Variants in TCF20 observed in about 807,000 individuals in gnomAD.
TCF20 encodes SPRE-binding protein.
A neutral mutation model predicts 148.6 loss-of-function variants in TCF20; 3 were observed. That is an observed-to-expected ratio of 0.02 (90% CI 0.01 to 0.05). TCF20 has a LOEUF of 0.05. Among genes scored for constraint, TCF20 ranks in the 10% least tolerant of loss-of-function variants. The pLI is 1.00. For synonymous variants in TCF20, 1,049 were observed against 909.5 expected (o/e 1.15, Z -2.76); for missense variants, 2,350 against 2,429.3 (o/e 0.97, Z 0.69).
At chr22:42,249,290 A>T (rs1391916964) in intron 1 of TCF20, among the ~76,000 whole-genome samples, 1 of 152,186 alleles carries the variant, frequency 6.6e-6, no homozygotes, top group African/African-American at 2.4e-5. Flanking sequence ...CCTGCAGATG[A>T]TCTGTCATGG....
At chr22:42,199,060 A>C (rs1446109324) in intron 2 of TCF20, among the ~76,000 whole-genome samples, 2 of 152,208 alleles carry the variant, frequency 1.3e-5, no homozygotes, top group African/African-American at 2.4e-5. Context: ...ATATCTAGTG[A>C]AATAATCAGC....
At chr22:42,238,423 T>C (rs1924075335) in intron 1 of TCF20, among the ~76,000 whole-genome samples, 1 of 152,272 alleles carries the variant, frequency 6.6e-6, no homozygotes, top group Non-Finnish European at 1.5e-5. Context: ...TGTTTCGTTT[T>C]CTTCTCATTC....
At chr22:42,216,053 G>T (rs1921744462) in intron 1 of TCF20, among the ~76,000 whole-genome samples, 1 of 146,378 alleles carries the variant, frequency 6.8e-6, no homozygotes, top group South Asian at 2.2e-4. Flanking sequence ...GCGGGGGAGG[G>T]GGTGTGGGGT....
At chr22:42,258,119 C>G (rs1925840521) in intron 1 of TCF20, among the ~76,000 whole-genome samples, 1 of 152,194 alleles carries the variant, frequency 6.6e-6, no homozygotes, top group Admixed American at 6.5e-5. Flanking sequence ...ACCAGTTTCT[C>G]TAAAATCCCA....
chr22:42,254,896 C>A (rs1925638545), intron 1 of TCF20, among the ~76,000 whole-genome samples: 1 of 135,498 alleles, frequency 7.4e-6, no homozygotes, highest in Non-Finnish European at 1.5e-5. Flanking sequence ...ACCTGGGAGG[C>A]AGAGCTTGAG....
At chr22:42,267,568 G>T (rs1569194776) in intron 1 of TCF20, among the ~76,000 whole-genome samples, 1 of 152,036 alleles carries the variant, frequency 6.6e-6, no homozygotes, top group Non-Finnish European at 1.5e-5. Flanking sequence ...GGGCGTGGTG[G>T]TGCGCACCTG....
At chr22:42,333,531 G>A (rs1329138158) in intron 1 of TCF20, among the ~76,000 whole-genome samples, 1 of 152,222 alleles carries the variant, frequency 6.6e-6, no homozygotes, top group Admixed American at 6.5e-5. Context: ...CCACACCTTG[G>A]CCCTCTTTGA....
At chr22:42,295,546 C>T (rs1814303427) in intron 1 of TCF20, among the ~76,000 whole-genome samples, 1 of 151,624 alleles carries the variant, frequency 6.6e-6, no homozygotes, top group Non-Finnish European at 1.5e-5. Context: ...CAGGTTCAAG[C>T]AATTCTCCTG....
intron 1 of TCF20, among the ~76,000 whole-genome samples, chr22:42,333,874 C>T (rs1928020096): frequency 6.6e-6 from 1 of 152,212 alleles, no homozygotes; most frequent in South Asian, 2.1e-4. Context: ...GATGGCTCCT[C>T]CAGGTGCCAC....
chr22:42,222,442 T>C (rs1262361833), intron 1 of TCF20, among the ~76,000 whole-genome samples: 1 of 152,182 alleles, frequency 6.6e-6, no homozygotes, highest in East Asian at 1.9e-4. Context: ...AAAAGTTCTC[T>C]TTCCCAGTAC....
chr22:42,333,511 C>G (rs1928013892), intron 1 of TCF20, among the ~76,000 whole-genome samples: 1 of 152,380 alleles, frequency 6.6e-6, no homozygotes, highest in East Asian at 1.9e-4. Flanking sequence ...AGAAAAGTAT[C>G]TGGCTTCCAC....
intron 2 of TCF20, among the ~76,000 whole-genome samples, chr22:42,197,533 A>G (rs1601565610): frequency 6.6e-6 from 1 of 152,208 alleles, no homozygotes. Context: ...CGTGTTAGCC[A>G]GGATGGTCTC....
chr22:42,163,895 TC>T (rs1348865599), intron 5 of TCF20, among the ~76,000 whole-genome samples: 2 of 152,110 alleles, frequency 1.3e-5, no homozygotes, highest in African/African-American at 4.8e-5. Flanking sequence ...TTCCCTCCCT[TC>T]CCTTCTCGCT....
chr22:42,234,772 G>A (rs1286662987), intron 1 of TCF20, among the ~76,000 whole-genome samples: 1 of 152,144 alleles, frequency 6.6e-6, no homozygotes, highest in Non-Finnish European at 1.5e-5. Context: ...AGAGCATCAA[G>A]AATTAGCAAA....
intron 3 of TCF20, among the ~76,000 whole-genome samples, chr22:42,177,602 A>T (rs753454679): frequency 3.3e-5 from 5 of 152,198 alleles, no homozygotes; most frequent in Non-Finnish European, 5.9e-5. Context: ...GCACTTCTTT[A>T]ACAAAATGTT....
intron 2 of TCF20, among the ~76,000 whole-genome samples, chr22:42,197,656 CTAA>C (rs1028814614): frequency 8.5e-5 from 13 of 152,146 alleles, no homozygotes; most frequent in African/African-American, 3.1e-4. Context: ...CTACTAATGC[CTAA>C]TTTAGGGGCA....
At chr22:42,276,147 A>C (rs2147011404) in intron 1 of TCF20, among the ~76,000 whole-genome samples, 1 of 152,332 alleles carries the variant, frequency 6.6e-6, no homozygotes, top group Non-Finnish European at 1.5e-5. Flanking sequence ...TGCTGGGAAA[A>C]GACTTTGTTC....
chr22:42,318,485 G>C (rs958212641), intron 1 of TCF20, among the ~76,000 whole-genome samples: 3 of 152,336 alleles, frequency 2.0e-5, no homozygotes, highest in African/African-American at 4.8e-5. Context: ...TTGGAAGAAG[G>C]GGGGATGGCA....
intron 1 of TCF20, among the ~76,000 whole-genome samples, chr22:42,243,898 A>G (rs1395855475): frequency 1.3e-5 from 2 of 152,238 alleles, no homozygotes; most frequent in Non-Finnish European, 2.9e-5. Context: ...GCTATAGGAA[A>G]GAAAACAAAA....
Sources: gnomAD v4.1 joint callset for allele counts (sites outside exome capture counted in the v4.1 genomes callset) on GRCh38, gnomAD v4.1.1 for gene constraint, MANE v1.5 for transcripts, NCBI Gene and HGNC (gene_info 2026-07-23, HGNC 2026-07-21) for gene names.